TYW1B: variants seen among roughly 807,000 people sequenced by gnomAD.
TYW1B encodes the protein tRNA-yW synthesizing protein 1 homolog B.
A neutral mutation model predicts 86.9 loss-of-function variants in TYW1B; 73 were observed. That is an observed-to-expected ratio of 0.84 (90% CI 0.70 to 1.02). The LOEUF is 1.02. Among genes scored for constraint, TYW1B ranks in the 50% least tolerant of loss-of-function variants. The pLI is 0.00. For missense variants in TYW1B, 637 were observed against 827.4 expected (o/e 0.77, Z 2.82); for synonymous variants, 248 against 292.8 (o/e 0.85, Z 1.56).
chr7:72,621,579 C>G (rs1451553640), intron 12 of TYW1B, among the ~76,000 whole-genome samples: 1 of 152,232 alleles, frequency 6.6e-6, no homozygotes, highest in African/African-American at 2.4e-5. Context: ...AACCTCTACG[C>G]TATCTGACCC....
At chr7:72,677,458 T>C (rs1169381461) in intron 11 of TYW1B, among the ~76,000 whole-genome samples, 3 of 151,886 alleles carry the variant, frequency 2.0e-5, no homozygotes, top group African/African-American at 7.3e-5. Context: ...CTTTATGATA[T>C]GTAAATTATA....
At chr7:72,681,670 C>T (rs1225086436) in intron 11 of TYW1B, among the ~76,000 whole-genome samples, 1 of 149,610 alleles carries the variant, frequency 6.7e-6, no homozygotes, top group Non-Finnish European at 1.5e-5. Flanking sequence ...TCCCCACTCA[C>T]TGCAAGCTCC....
chr7:72,653,795 T>C (rs1242050986), intron 11 of TYW1B, among the ~76,000 whole-genome samples: 5 of 148,254 alleles, frequency 3.4e-5, no homozygotes, highest in African/African-American at 1.2e-4. Flanking sequence ...ATAAAATCCT[T>C]AGCAGGCCAG....
intron 6 of TYW1B, among the ~76,000 whole-genome samples, chr7:72,784,764 C>T (rs1237568140): frequency 1.3e-5 from 2 of 152,188 alleles, no homozygotes; most frequent in Admixed American, 1.3e-4. Context: ...TCCCAAAGCA[C>T]TGGGATTACA....
chr7:72,695,949 C>CTTTTTTTTTT (rs1159991591), intron 10 of TYW1B, among the ~76,000 whole-genome samples: 1 of 93,750 alleles, frequency 1.1e-5, no homozygotes. Context: ...TTTTTCTTTT[C>CTTTTTTTTTT]TTTTTTTTTT....
intron 6 of TYW1B, among the ~76,000 whole-genome samples, chr7:72,788,283 T>C (rs1315716177): frequency 2.0e-5 from 3 of 152,038 alleles, no homozygotes; most frequent in Non-Finnish European, 4.4e-5. Context: ...CCGGCCTCCT[T>C]GTCATTCTTA....
At position 72,614,827 on chromosome 7, in the gene TYW1B, G is replaced by A. The variant is rs370689868; in HGVS notation, c.1785+1845C>T. 8.5e-5 allele frequency among the ~76,000 whole-genome samples: 13 copies of A among 152,246 alleles called. 1 individual carries two copies. Among genetic ancestry groups the A allele is most frequent in the Admixed American group, 5.9e-4 (9 of 15,278 alleles). ...ATGAGCCAGGTGCTGTGTTAACAAT[G>A]TATTAACAAAGCTATGTTAACAAAG... On this transcript the variant is annotated intron_variant, in intron 13 of 13. Coordinates refer to ENST00000620995, the MANE Select transcript of TYW1B (RefSeq NM_001145440.3).
chr7:72,713,604 T>A lies in TYW1B; in HGVS notation c.1370+17A>T. 1 of 1,602,548 alleles carries A rather than the reference T, an allele frequency of 6.2e-7. No homozygotes were observed. The highest frequency in any genetic ancestry group is 8.5e-7 in the Non-Finnish European group (1 of 1,175,108). ...CATAGATTCAAGCAGCATCTCTCCA[T>A]AGGCTGGAGAACTCACCTGATTTCC... On this transcript the variant is annotated intron_variant, in intron 10 of 13. Coordinates refer to ENST00000620995, the MANE Select transcript of TYW1B (RefSeq NM_001145440.3).
At chr7:72,647,827 G>A (rs1309594745) in intron 11 of TYW1B, among the ~76,000 whole-genome samples, 2 of 152,084 alleles carry the variant, frequency 1.3e-5, no homozygotes, top group African/African-American at 2.4e-5. Context: ...TGGAACTACA[G>A]GCACATGCCA....
At chr7:72,760,180 C>T (rs2129571680) in intron 7 of TYW1B, among the ~76,000 whole-genome samples, 1 of 152,308 alleles carries the variant, frequency 6.6e-6, no homozygotes, top group South Asian at 2.1e-4. Context: ...TTTTATTTTA[C>T]TTATACAATT....
In TYW1B at chr7:72,628,938, C is replaced by T. The variant is rs1470771218; in HGVS notation, c.1566G>A (p.Gln522=). The T allele has an allele frequency of 3.1e-6, 5 of 1,594,488 alleles. No homozygotes were observed. The highest frequency in any genetic ancestry group is 1.4e-5 in the African/African-American group (1 of 73,552). Residue 522 remains glutamine (Q), a synonymous_variant, in exon 12 of 14, where the codon CAG becomes CAA. Coordinates refer to ENST00000620995, the MANE Select transcript of TYW1B (RefSeq NM_001145440.3). ...CCAGGGACACGAGCTGCGCGTAGGC[C>T]TGGAGCTCGTCCACGTTCCATGCTT... ...LVKAWNVDEL[Q]AYAQLVSLGN... is the part of the protein sequence containing the mutation.
chr7:72,673,034 C>T (rs1237782240), intron 11 of TYW1B, among the ~76,000 whole-genome samples: 5 of 152,034 alleles, frequency 3.3e-5, no homozygotes, highest in East Asian at 1.9e-4. Flanking sequence ...CCGGGTGTCG[C>T]GGCGTGCACC....
intron 13 of TYW1B, among the ~76,000 whole-genome samples, chr7:72,605,044 T>C (rs1406484255): frequency 1.3e-5 from 2 of 152,212 alleles, no homozygotes; most frequent in Admixed American, 6.5e-5. Flanking sequence ...GACTCTGACA[T>C]TATATCTACA....
chr7:72,705,895 CG>C (rs1428617755), intron 10 of TYW1B, among the ~76,000 whole-genome samples: 1 of 152,112 alleles, frequency 6.6e-6, no homozygotes, highest in African/African-American at 2.4e-5. Context: ...AGCATTACAG[CG>C]TGGAGCTATG....
chr7:72,732,728 C>T (rs2129571112), intron 8 of TYW1B, among the ~76,000 whole-genome samples: 1 of 151,778 alleles, frequency 6.6e-6, no homozygotes, highest in Non-Finnish European at 1.5e-5. Context: ...ACAAACCAAA[C>T]CCAAAATTAC....
chr7:72,775,192 T>C (rs1554470348), intron 7 of TYW1B, among the ~76,000 whole-genome samples: 1 of 152,056 alleles, frequency 6.6e-6, no homozygotes, highest in Non-Finnish European at 1.5e-5. Flanking sequence ...AAGCAGATTA[T>C]TACATATATA....
intron 6 of TYW1B, among the ~76,000 whole-genome samples, chr7:72,794,459 C>T (rs1443512485): frequency 2.0e-5 from 3 of 151,790 alleles, no homozygotes; most frequent in Admixed American, 6.6e-5. Context: ...AGGAGGCTTA[C>T]ACAGGAGAAT....
At chr7:72,658,296 C>T (rs1251998681) in intron 11 of TYW1B, among the ~76,000 whole-genome samples, 1 of 151,196 alleles carries the variant, frequency 6.6e-6, no homozygotes, top group Non-Finnish European at 1.5e-5. Context: ...ATGACATATC[C>T]ATGGAATAAA....
In TYW1B at chr7:72,738,630, A is replaced by C. The variant is rs1585943626; in HGVS notation, c.1082+5854T>G. ...TAAAAAATATCTCGAGACATTGTCAAATGTTCCAAATCTCTGTGTGGGACA... is the reference window on the plus strand; with the variant it reads ...TAAAAAATATCTCGAGACATTGTCACATGTTCCAAATCTCTGTGTGGGACA... On this transcript the variant is annotated intron_variant, in intron 8 of 13. Transcript: ENST00000620995. Among the ~76,000 whole-genome samples the C allele has an allele frequency of 2.0e-5, 3 of 152,184 alleles. No homozygotes were observed. In the East Asian group the frequency reaches 5.8e-4, roughly 29 times the overall value.
Sources: allele counts gnomAD v4.1 joint callset (sites outside exome capture counted in the v4.1 genomes callset), GRCh38; gene constraint gnomAD v4.1.1; transcripts MANE v1.5; gene names NCBI Gene and HGNC (gene_info 2026-07-23, HGNC 2026-07-21).